CNTNAP2: variants seen among roughly 807,000 people sequenced by gnomAD.
CNTNAP2 encodes the protein contactin-associated protein-like 2.
A neutral mutation model predicts 155.2 loss-of-function variants in CNTNAP2; 98 were observed. That is an observed-to-expected ratio of 0.63 (90% confidence interval 0.54 to 0.75). CNTNAP2 has a LOEUF of 0.75. Ranked by LOEUF, CNTNAP2 falls within the 30% of genes least tolerant of loss-of-function variation. The pLI, the probability that CNTNAP2 is intolerant of heterozygous loss-of-function variation, is 0.00. For missense variants in CNTNAP2, 1,727 were observed against 1,688.1 expected, an observed-to-expected ratio of 1.02 and a Z score of -0.40; for synonymous variants, 651 against 631.2, an observed-to-expected ratio of 1.03 and a Z score of -0.47.
chr7:146,875,934 C>CAAAAAAAAAAAAAAAAAAAAA (rs56304234), intron 3 of CNTNAP2, among the ~76,000 whole-genome samples: 4 of 55,138 alleles, frequency 7.3e-5, no homozygotes, highest in Non-Finnish European at 6.7e-5. Flanking sequence ...ACATACACAG[C>CAAAAAAAAAAAAAAAAAAAAA]AAAAAAAAAA....
rs538023095 is a variant in CNTNAP2 at position 146,989,276 on chromosome 7, G to A, written c.403-54631G>A. 2.0e-5 allele frequency among the ~76,000 whole-genome samples: 3 copies of A among 152,206 alleles called. No individual in the cohort carries two copies. In the East Asian group the frequency reaches 5.8e-4, roughly 30 times the overall value. On this transcript the variant is annotated intron_variant, in intron 3 of 23. Coordinates refer to ENST00000361727, the MANE Select transcript of CNTNAP2 (RefSeq NM_014141.6). The stretch of plus-strand genomic sequence containing the variant: ...CAATGTACTCTTACCAAAGCCTAGA[G>A]CTGACCTCGTTAGCAGTTTTAAATC...
At chr7:147,661,045 C>A (rs1358760021) in intron 13 of CNTNAP2, among the ~76,000 whole-genome samples, 2 of 152,090 alleles carry the variant, frequency 1.3e-5, no homozygotes, top group African/African-American at 4.8e-5. Context: ...GGCTGCTGTC[C>A]TGCCTATGGC....
intron 12 of CNTNAP2, among the ~76,000 whole-genome samples, chr7:147,614,659 C>T (rs1417274913): frequency 6.6e-6 from 1 of 151,048 alleles, no homozygotes; most frequent in Non-Finnish European, 1.5e-5. Context: ...ACTAAGACCC[C>T]AACATAATGT....
chr7:146,509,016 CTG>C (rs1349725046), intron 1 of CNTNAP2, among the ~76,000 whole-genome samples: 2 of 152,130 alleles, frequency 1.3e-5, no homozygotes, highest in African/African-American at 4.8e-5. Context: ...ATGCAGCACC[CTG>C]CACACAGATT....
rs372410022 is a variant in CNTNAP2 at position 147,601,090 on chromosome 7, C to T, written c.1898-38016C>T. On this transcript the variant is annotated intron_variant, in intron 12 of 23. Transcript: ENST00000361727. ...GAGCACTGTAAAAGTCCTGTGTCCC[C>T]GTTACTCAGCCTCAACAGGTTTCCA... Among the ~76,000 whole-genome samples the T allele has an allele frequency of 3.2e-4, 49 of 152,208 alleles. 1 individual carries two copies. The East Asian group carries it at 3.5e-3, about 11-fold the overall frequency.
intron 5 of CNTNAP2, among the ~76,000 whole-genome samples, chr7:147,117,990 T>C (rs865865371): frequency 1.3e-3 from 197 of 152,226 alleles, no homozygotes; most frequent in African/African-American, 4.5e-3. Context: ...ATGTCAAATA[T>C]ACTGGTTTAA....
intron 1 of CNTNAP2, among the ~76,000 whole-genome samples, chr7:146,584,099 A>G (rs1161984720): frequency 6.6e-6 from 1 of 152,192 alleles, no homozygotes; most frequent in Non-Finnish European, 1.5e-5. Flanking sequence ...TTACTAATAA[A>G]TCATGAAAAG....
intron 10 of CNTNAP2, among the ~76,000 whole-genome samples, chr7:147,472,004 C>G (rs889481172): frequency 1.3e-5 from 2 of 152,078 alleles, no homozygotes; most frequent in African/African-American, 4.8e-5. Context: ...AAAAAAGAAG[C>G]ATGTGTGCAA....
intron 1 of CNTNAP2, among the ~76,000 whole-genome samples, chr7:146,248,761 C>T (rs1799707656): frequency 6.6e-6 from 1 of 152,130 alleles, no homozygotes; most frequent in South Asian, 2.1e-4. Flanking sequence ...AACAGGAGGA[C>T]AGGGGATTGA....
At chr7:147,722,952 A>T (rs1796586488) in intron 13 of CNTNAP2, among the ~76,000 whole-genome samples, 1 of 152,034 alleles carries the variant, frequency 6.6e-6, no homozygotes, top group Non-Finnish European at 1.5e-5. Context: ...CTCATATCAC[A>T]CTGACTGATT....
At chr7:147,369,726 T>G (rs1796310732) in intron 9 of CNTNAP2, among the ~76,000 whole-genome samples, 1 of 152,216 alleles carries the variant, frequency 6.6e-6, no homozygotes, top group Admixed American at 6.5e-5. Context: ...TGCACTTGGC[T>G]TAAGGGTCAT....
intron 15 of CNTNAP2, among the ~76,000 whole-genome samples, chr7:148,102,377 A>C (rs117243260): frequency 1.1e-3 from 162 of 152,262 alleles, no homozygotes; most frequent in Middle Eastern, 6.8e-3. Flanking sequence ...TCTGCTACTG[A>C]TGGACATTTA....
chr7:148,253,682 A>G (rs1223117353), intron 20 of CNTNAP2, among the ~76,000 whole-genome samples: 1 of 152,126 alleles, frequency 6.6e-6, no homozygotes, highest in Non-Finnish European at 1.5e-5. Context: ...CCCAGCAGCC[A>G]AGTTACCCTG....
intron 1 of CNTNAP2, among the ~76,000 whole-genome samples, chr7:146,583,022 C>T (rs2129148114): frequency 6.6e-6 from 1 of 151,730 alleles, no homozygotes; most frequent in South Asian, 2.1e-4. Context: ...GTTTTAATAT[C>T]TTGGAGATGG....
At chr7:148,055,232 G>A (rs997227434) in intron 15 of CNTNAP2, among the ~76,000 whole-genome samples, 4 of 152,084 alleles carry the variant, frequency 2.6e-5, no homozygotes, top group Non-Finnish European at 5.9e-5. Flanking sequence ...GACTTTGTAG[G>A]CTATCTGCAA....
chr7:147,246,082 A>C (rs1211545683), intron 8 of CNTNAP2, among the ~76,000 whole-genome samples: 2 of 149,936 alleles, frequency 1.3e-5, no homozygotes, highest in Non-Finnish European at 3.0e-5. Flanking sequence ...ATATATATAT[A>C]CATATATATG....
rs566218803 is a variant in CNTNAP2, at chr7:148,259,833, T to A, written c.3382-7200T>A. On this transcript the variant is annotated intron_variant, in intron 20 of 23. Coordinates refer to ENST00000361727, the MANE Select transcript of CNTNAP2 (RefSeq NM_014141.6). ...ACACAAGGTCCTGCCTAAATCAGTA[T>A]GCTTCTAATGGCTTCATGGCAAATG... is the stretch of plus-strand genomic sequence containing the variant. 6.4e-4 allele frequency among the ~76,000 whole-genome samples: 98 copies of A among 152,358 alleles called. 1 individual carries two copies. The highest frequency in any genetic ancestry group is 1.4e-3 in the Admixed American group (22 of 15,306).
chr7:146,544,253 T>C (rs1266177858), intron 1 of CNTNAP2, among the ~76,000 whole-genome samples: 1 of 151,902 alleles, frequency 6.6e-6, no homozygotes, highest in African/African-American at 2.4e-5. Flanking sequence ...AACAAGTGAC[T>C]CACTGTGTTT....
intron 3 of CNTNAP2, among the ~76,000 whole-genome samples, chr7:147,002,301 C>T (rs1798440282): frequency 6.6e-6 from 1 of 151,998 alleles, no homozygotes; most frequent in South Asian, 2.1e-4. Flanking sequence ...GGTTCTGCAG[C>T]TTCCTGTGGG....
Sources: allele counts gnomAD v4.1 joint callset (sites outside exome capture counted in the v4.1 genomes callset), GRCh38; gene constraint gnomAD v4.1.1; transcripts MANE v1.5; gene names NCBI Gene and HGNC (gene_info 2026-07-23, HGNC 2026-07-21).